The following TRERF1 variants were observed in gnomAD, a reference collection of about 807,000 sequenced individuals.
TRERF1 encodes transcriptional regulating factor 1, also known as transcriptional-regulating factor 1.
A neutral mutation model predicts 122.9 loss-of-function variants in TRERF1; 27 were observed. The observed-to-expected ratio is 0.22, with a 90% CI of 0.16 to 0.30. The LOEUF is 0.30. TRERF1 is among the 10% of genes least tolerant of loss of function. The probability of loss-of-function intolerance (pLI) is 1.00; values close to 1 mark genes in which losing one functional copy is unlikely to be tolerated. For missense variants in TRERF1, 1,248 were observed against 1,560.3 expected, an observed-to-expected ratio of 0.80 and a Z score of 3.37; for synonymous variants, 636 against 641.7, an observed-to-expected ratio of 0.99 and a Z score of 0.13.
chr6:42,328,650 C>G (rs1016842946), intron 3 of TRERF1, among the ~76,000 whole-genome samples: 10 of 152,136 alleles, frequency 6.6e-5, no homozygotes, highest in Admixed American at 6.5e-5. Flanking sequence ...TCTGTCTGAA[C>G]AGCAATGCCA....
intron 2 of TRERF1, among the ~76,000 whole-genome samples, chr6:42,380,387 C>A (rs547610989): frequency 6.6e-6 from 1 of 152,314 alleles, no homozygotes; most frequent in Non-Finnish European, 1.5e-5. Flanking sequence ...TACCAGGCAG[C>A]CTGTGTGGGG....
At chr6:42,226,702 C>A (rs9394889) in exon 18 of TRERF1, 84,143 of 152,108 alleles carry the variant, frequency 0.55, 25,029 homozygotes, top group East Asian at 0.84. Context: ...AGTTCCCCCC[C>A]ATGAGTGTGT....
rs374310151 is a variant in TRERF1, at chr6:42,354,846, G to A, written c.-371+8151C>T. Among the ~76,000 whole-genome samples the A allele has an allele frequency of 1.6e-4, 25 of 152,028 alleles. No homozygotes were observed. The East Asian group carries it at 2.1e-3, about 13-fold the overall frequency. ...CCAAAACCACTTTCAGAATTCCCCC[G>A]ATGTTCTCATCTATTTATTTTTCCA... On this transcript the variant is annotated intron_variant, in intron 3 of 17. Coordinates refer to ENST00000372922, the Ensembl canonical transcript of TRERF1.
At chr6:42,336,307 T>C (rs529862861) in intron 3 of TRERF1, among the ~76,000 whole-genome samples, 137 of 152,300 alleles carry the variant, frequency 9.0e-4, no homozygotes, top group African/African-American at 2.2e-3. Flanking sequence ...TTGTCCTTTC[T>C]GCACTGCCCC....
chr6:42,233,461 A>G (rs1771183266), intron 16 of TRERF1, among the ~76,000 whole-genome samples: 2 of 151,024 alleles, frequency 1.3e-5, no homozygotes, highest in Admixed American at 6.6e-5. Context: ...AATTTTTTGT[A>G]GTTTTAGTAG....
At chr6:42,394,868 C>T (rs577152612) in intron 2 of TRERF1, among the ~76,000 whole-genome samples, 7 of 152,052 alleles carry the variant, frequency 4.6e-5, no homozygotes, top group Non-Finnish European at 1.0e-4. Flanking sequence ...AAATAAAAAC[C>T]CAACCTCCCC....
intron 3 of TRERF1, among the ~76,000 whole-genome samples, chr6:42,308,660 T>C (rs1440121678): frequency 6.6e-6 from 1 of 152,248 alleles, no homozygotes; most frequent in Non-Finnish European, 1.5e-5. Context: ...TGGAGGCCAC[T>C]GTCCTCAGCA....
intron 2 of TRERF1, among the ~76,000 whole-genome samples, chr6:42,411,642 T>C (rs1781109137): frequency 6.6e-6 from 1 of 152,206 alleles, no homozygotes; most frequent in African/African-American, 2.4e-5. Context: ...CTATAAGACC[T>C]GAGGGCAGGG....
In TRERF1 at chr6:42,373,949, A is replaced by G. The variant is rs572903862; in HGVS notation, c.-453-10870T>C. On this transcript the variant is annotated intron_variant, in intron 2 of 17. Transcript: ENST00000372922. ...GGAGATTGAGACCATCCTGGCCGAC[A>G]TGGTGAAACCCTGTCTCTACTAAAA... Among the ~76,000 whole-genome samples the G allele has an allele frequency of 3.1e-4, 47 of 151,466 alleles. No individual in the cohort carries two copies. In the East Asian group the frequency reaches 3.7e-3, roughly 12 times the overall value.
chr6:42,389,305 C>T (rs1319414097), intron 2 of TRERF1, among the ~76,000 whole-genome samples: 1 of 152,176 alleles, frequency 6.6e-6, no homozygotes, highest in African/African-American at 2.4e-5. Flanking sequence ...GTGCCCTGGA[C>T]AAGGGAAAGC....
chr6:42,295,111 GAT>G (rs557053823), intron 4 of TRERF1, among the ~76,000 whole-genome samples: 87 of 152,274 alleles, frequency 5.7e-4, no homozygotes, highest in Admixed American at 2.7e-3. Context: ...GGGAGACTGG[GAT>G]AACAAAGAAG....
chr6:42,342,425 A>G (rs1179618321), intron 3 of TRERF1, among the ~76,000 whole-genome samples: 1 of 152,152 alleles, frequency 6.6e-6, no homozygotes, highest in Non-Finnish European at 1.5e-5. Flanking sequence ...GCCCCTACTC[A>G]TGGCAGACAT....
At chr6:42,337,651 T>C (rs1657715934) in intron 3 of TRERF1, among the ~76,000 whole-genome samples, 1 of 152,154 alleles carries the variant, frequency 6.6e-6, no homozygotes, top group South Asian at 2.1e-4. Flanking sequence ...CAAGGAGACA[T>C]GGCCTCTGAG....
At position 42,304,217 on chromosome 6, in the gene TRERF1, C is replaced by T. The variant is rs368526116; in HGVS notation, c.-370-3468G>A. 1.4e-4 allele frequency among the ~76,000 whole-genome samples: 21 copies of T among 152,320 alleles called. 1 individual carries two copies. In the East Asian group the frequency reaches 3.5e-3, roughly 25 times the overall value. On this transcript the variant is annotated intron_variant, in intron 3 of 17. Coordinates refer to ENST00000372922, the Ensembl canonical transcript of TRERF1. ...TAAAATGATTGCTGGAGAAGCCTCA[C>T]GGGGGTGTTACTTTCTAAGAAAGGT...
At chr6:42,320,168 G>C (rs1308540940) in intron 3 of TRERF1, among the ~76,000 whole-genome samples, 1 of 151,846 alleles carries the variant, frequency 6.6e-6, no homozygotes, top group African/African-American at 2.4e-5. Context: ...CAAAGTACTG[G>C]GATTACAGGC....
intron 3 of TRERF1, among the ~76,000 whole-genome samples, chr6:42,349,640 C>G (rs767419982): frequency 6.6e-6 from 1 of 152,068 alleles, no homozygotes. Context: ...AAAGTGATTA[C>G]TGGGTCTGCC....
Position 42,304,546 on chromosome 6 carries a change from G to A in TRERF1, c.-370-3797C>T, listed in dbSNP as rs190875621. ...CAAGGATTTCCCAGCCGGTGCTGAC[G>A]CTGCAGGGCAGCTTTGCAAGGCTCA... On this transcript the variant is annotated intron_variant, in intron 3 of 17. Transcript: ENST00000372922. Among the ~76,000 whole-genome samples, 14 of 152,308 alleles carry A rather than the reference G, an allele frequency of 9.2e-5. No individual in the cohort carries two copies. In the East Asian group the frequency reaches 2.5e-3, roughly 27 times the overall value.
At chr6:42,296,613 G>A (rs1057273036) in intron 4 of TRERF1, among the ~76,000 whole-genome samples, 1 of 152,118 alleles carries the variant, frequency 6.6e-6, no homozygotes, top group African/African-American at 2.4e-5. Context: ...CTTTCTCCCT[G>A]CCCCTCAAAG....
intron 3 of TRERF1, among the ~76,000 whole-genome samples, chr6:42,307,887 G>A (rs559181740): frequency 3.9e-5 from 6 of 152,194 alleles, no homozygotes; most frequent in African/African-American, 1.4e-4. Flanking sequence ...AGGTCTACAC[G>A]AACCATCCTG....
Sources: gnomAD v4.1 joint callset for allele counts (sites outside exome capture counted in the v4.1 genomes callset) on GRCh38, gnomAD v4.1.1 for gene constraint, MANE v1.5 for transcripts, NCBI Gene and HGNC (gene_info 2026-07-23, HGNC 2026-07-21) for gene names.